Variants in SLC9A9 observed in about 807,000 individuals in gnomAD.
The protein encoded by SLC9A9 is solute carrier family 9 member A9, also known as sodium/hydrogen exchanger 9.
Under a neutral mutation model 77.8 loss-of-function variants are expected in SLC9A9, and 62 were observed. The observed-to-expected ratio is 0.80, with a 90% CI of 0.65 to 0.98. SLC9A9 has a LOEUF of 0.98. SLC9A9 is among the 50% of genes least tolerant of loss of function. The pLI is 0.00. For synonymous variants in SLC9A9, 320 were observed against 283.5 expected, an observed-to-expected ratio of 1.13 and a Z score of -1.29; for missense variants, 775 against 774.9, an observed-to-expected ratio of 1.00 and a Z score of 0.00.
intron 2 of SLC9A9, among the ~76,000 whole-genome samples, chr3:143,812,116 A>G (rs985080644): frequency 1.1e-4 from 16 of 152,242 alleles, no homozygotes; most frequent in African/African-American, 3.9e-4. Context: ...CTGTTGAGCT[A>G]TTTTACACAA....
chr3:143,740,114 G>C (rs1218513705), intron 4 of SLC9A9, among the ~76,000 whole-genome samples: 1 of 152,144 alleles, frequency 6.6e-6, no homozygotes, highest in African/African-American at 2.4e-5. Flanking sequence ...TCTAGATTAT[G>C]CCATTTAAAG....
At chr3:143,419,556 C>T (rs1357582365) in intron 12 of SLC9A9, among the ~76,000 whole-genome samples, 8 of 152,164 alleles carry the variant, frequency 5.3e-5, no homozygotes, top group African/African-American at 1.9e-4. Flanking sequence ...CTCCCTCTTC[C>T]CCACGTCACT....
At chr3:143,741,671 A>G (rs1935076689) in intron 4 of SLC9A9, among the ~76,000 whole-genome samples, 1 of 152,146 alleles carries the variant, frequency 6.6e-6, no homozygotes, top group South Asian at 2.1e-4. Flanking sequence ...CAAGTGATCA[A>G]GGTCAACATC....
At chr3:143,599,471 T>C (rs1177993342) in intron 6 of SLC9A9, among the ~76,000 whole-genome samples, 2 of 152,194 alleles carry the variant, frequency 1.3e-5, no homozygotes, top group Non-Finnish European at 2.9e-5. Context: ...GTGGTGGTGG[T>C]TGCTATTAAT....
intron 4 of SLC9A9, among the ~76,000 whole-genome samples, chr3:143,787,206 C>A (rs992733929): frequency 6.6e-6 from 1 of 152,096 alleles, no homozygotes; most frequent in African/African-American, 2.4e-5. Context: ...CTAAATAGCT[C>A]CCATCATTTG....
At chr3:143,837,004 G>A (rs1203593403) in intron 1 of SLC9A9, among the ~76,000 whole-genome samples, 1 of 152,092 alleles carries the variant, frequency 6.6e-6, no homozygotes, top group African/African-American at 2.4e-5. Flanking sequence ...TCTTACTGAT[G>A]GTCATTCCAC....
At chr3:143,685,057 T>C (rs1019595407) in intron 5 of SLC9A9, among the ~76,000 whole-genome samples, 4 of 152,116 alleles carry the variant, frequency 2.6e-5, no homozygotes, top group Non-Finnish European at 5.9e-5. Flanking sequence ...TATATCTTTA[T>C]AGCAGTGCTG....
intron 11 of SLC9A9, among the ~76,000 whole-genome samples, chr3:143,472,790 C>A (rs2035400308): frequency 6.6e-6 from 1 of 152,314 alleles, no homozygotes; most frequent in South Asian, 2.1e-4. Context: ...GTGATTGATA[C>A]CTCCTAGATT....
intron 13 of SLC9A9, among the ~76,000 whole-genome samples, chr3:143,375,292 GC>G (rs140938941): frequency 0.043 from 6,588 of 152,230 alleles, 528 homozygotes; most frequent in African/African-American, 0.15. Context: ...CATTAGAGGT[GC>G]CATTTTTTCA....
At chr3:143,815,551 A>ATTTT (rs747415214) in intron 2 of SLC9A9, among the ~76,000 whole-genome samples, 1 of 110,332 alleles carries the variant, frequency 9.1e-6, no homozygotes, top group East Asian at 2.9e-4. Context: ...TATTTTAAAA[A>ATTTT]AAAAAAAAGG....
chr3:143,265,743 A>G lies in SLC9A9; in HGVS notation c.*959T>C, dbSNP rs1428129545. ...GGCTCCTCAGTGTAACCCACACATC[A>G]TTGGCTCTGTTCCTCTCGCCCTGCT... On this transcript the variant is annotated 3_prime_UTR_variant, in exon 16 of 16. Transcript: ENST00000316549. 2.1e-6 allele frequency: 1 copy of G among 468,200 alleles called. No homozygotes were observed. The highest frequency in any genetic ancestry group is 3.7e-6 in the Non-Finnish European group (1 of 268,210). 29.0% of individuals were successfully genotyped at this position (468,200 alleles called of 1,614,324 possible). A position where few individuals can be genotyped will look rare whatever the true frequency, so the allele number is the denominator to read the frequency against.
intron 5 of SLC9A9, among the ~76,000 whole-genome samples, chr3:143,687,741 TA>T (rs5853123): frequency 8.0e-5 from 12 of 149,532 alleles, no homozygotes; most frequent in Non-Finnish European, 8.9e-5. Context: ...TTTTGTCTGT[TA>T]AAAAAAAAAG....
At chr3:143,350,436 A>C (rs897026257) in intron 14 of SLC9A9, among the ~76,000 whole-genome samples, 8 of 152,150 alleles carry the variant, frequency 5.3e-5, no homozygotes, top group Non-Finnish European at 1.2e-4. Context: ...CCTTCACCTG[A>C]TACTCAAAAT....
At chr3:143,482,939 G>A (rs1472715773) in intron 11 of SLC9A9, among the ~76,000 whole-genome samples, 3 of 152,176 alleles carry the variant, frequency 2.0e-5, no homozygotes, top group East Asian at 1.9e-4. Context: ...TTTCAGGGGC[G>A]CTTAGCATTC....
At chr3:143,526,087 A>G (rs2036399929) in intron 9 of SLC9A9, among the ~76,000 whole-genome samples, 1 of 152,244 alleles carries the variant, frequency 6.6e-6, no homozygotes, top group African/African-American at 2.4e-5. Context: ...ACAGAAAGAT[A>G]TAACTAAATC....
intron 4 of SLC9A9, among the ~76,000 whole-genome samples, chr3:143,704,309 A>G (rs1398808023): frequency 6.6e-6 from 1 of 152,252 alleles, no homozygotes; most frequent in African/African-American, 2.4e-5. Flanking sequence ...ATAAATATTG[A>G]TGCAAATATC....
intron 9 of SLC9A9, among the ~76,000 whole-genome samples, chr3:143,508,672 T>C (rs1391025488): frequency 6.6e-6 from 1 of 152,220 alleles, no homozygotes; most frequent in African/African-American, 2.4e-5. Context: ...GAAAAATTTC[T>C]TTTACCACAT....
intron 2 of SLC9A9, among the ~76,000 whole-genome samples, chr3:143,822,909 G>A (rs1277377491): frequency 1.3e-5 from 2 of 151,764 alleles, no homozygotes; most frequent in Non-Finnish European, 1.5e-5. Flanking sequence ...CCATCCCTAC[G>A]CAATTATTTG....
chr3:143,410,574 C>T (rs1376198845), intron 12 of SLC9A9, among the ~76,000 whole-genome samples: 2 of 152,202 alleles, frequency 1.3e-5, no homozygotes, highest in African/African-American at 4.8e-5. Context: ...CATTTTGATC[C>T]TGCTGCTTCT....
Sources: gnomAD v4.1 joint callset for allele counts (sites outside exome capture counted in the v4.1 genomes callset) on GRCh38, gnomAD v4.1.1 for gene constraint, MANE v1.5 for transcripts, NCBI Gene and HGNC (gene_info 2026-07-23, HGNC 2026-07-21) for gene names.